The following ADAMTS7 variants were observed in gnomAD, a reference collection of about 807,000 sequenced individuals.
ADAMTS7 encodes the protein A disintegrin and metalloproteinase with thrombospondin motifs 7.
Under a neutral mutation model 172.6 loss-of-function variants are expected in ADAMTS7, and 89 were observed. The observed-to-expected ratio is 0.52, with a 90% confidence interval of 0.43 to 0.61. The LOEUF (loss-of-function observed/expected upper bound fraction) is 0.61. ADAMTS7 is among the 20% of genes least tolerant of loss of function. ADAMTS7 has a pLI of 0.00. For missense variants in ADAMTS7, 1,973 were observed against 2,355.6 expected, an observed-to-expected ratio of 0.84 and a Z score of 3.36; for synonymous variants, 885 against 978.4, an observed-to-expected ratio of 0.90 and a Z score of 1.78.
At chr15:78,778,876 A>G (rs964737080) in intron 8 of ADAMTS7, among the ~76,000 whole-genome samples, 12 of 152,098 alleles carry the variant, frequency 7.9e-5, no homozygotes, top group Admixed American at 5.2e-4. Flanking sequence ...ACACTCCGAG[A>G]TGTGGAGAGG....
At chr15:78,762,617 G>C (rs779613800) in intron 22 of ADAMTS7, 52 bp from the exon 23 acceptor site, 24 of 1,226,226 alleles carry the variant, frequency 2.0e-5, no homozygotes, top group Middle Eastern at 5.7e-4. Context: ...CCTAGCAGTG[G>C]GGGCAGGGAC....
At chr15:78,787,824 C>A (rs767206409) in intron 8 of ADAMTS7, among the ~76,000 whole-genome samples, 11 of 152,194 alleles carry the variant, frequency 7.2e-5, no homozygotes, top group African/African-American at 2.7e-4. Context: ...TCATTTCCTA[C>A]GCAGCCTTTG....
chr15:78,788,320 T>C lies in ADAMTS7; in HGVS notation c.1233A>G (p.Arg411=). The C allele has an allele frequency of 6.2e-7, 1 of 1,613,438 alleles. No individual in the cohort carries two copies. The highest frequency in any genetic ancestry group is 8.5e-7 in the Non-Finnish European group (1 of 1,179,984). The stretch of plus-strand genomic sequence containing the variant: ...GGAGCTGTGGAGACATGATGAAAGG[T>C]CGTTTCCCAACGGGCTCACAGTCAT... ...SGNDCEPVGK[R]PFIMSPQLLY... Residue 411 remains arginine (R), a synonymous_variant, in exon 8 of 24, where the codon CGA becomes CGG. Transcript: ENST00000388820.
Position 78,771,019 on chromosome 15 carries a change from C to T in ADAMTS7, c.2518+143G>A, listed in dbSNP as rs562275311. On this transcript the variant is annotated intron_variant, in intron 16 of 23. Coordinates refer to ENST00000388820, the MANE Select transcript of ADAMTS7 (RefSeq NM_014272.5). This position sits in a 1 kb window ranked among gnomAD's most constrained non-coding sequence, Gnocchi z 4.9. ...TGGGACACAGGGCAATCGCTAGCCT[C>T]ATCTCACAGATGGAGAACTGAGGCT... 6 of 1,175,856 alleles carry T rather than the reference C, an allele frequency of 5.1e-6. No homozygotes were observed. The South Asian group carries it at 7.9e-5, about 15-fold the overall frequency. 72.8% of individuals were successfully genotyped at this position (1,175,856 alleles called of 1,614,324 possible). A position where few individuals can be genotyped will look rare whatever the true frequency, so the allele number is the denominator to read the frequency against.
intron 6 of ADAMTS7, 69 bp from the exon 7 acceptor site, chr15:78,789,907 G>A (rs2055555989): frequency 1.3e-6 from 2 of 1,517,438 alleles, no homozygotes; most frequent in African/African-American, 2.8e-5. Context: ...GCTAAGGCCA[G>A]GGAAGGGTCC....
chr15:78,797,892 C>T (rs767068269), intron 3 of ADAMTS7, 56 bp downstream of exon 3: 3 of 1,557,894 alleles, frequency 1.9e-6, no homozygotes, highest in Admixed American at 2.1e-5. Flanking sequence ...CTAGAAAGGC[C>T]CCTTCATGTC....
intron 8 of ADAMTS7, among the ~76,000 whole-genome samples, chr15:78,777,946 G>A (rs1347739996): frequency 2.0e-5 from 3 of 152,284 alleles, no homozygotes; most frequent in African/African-American, 4.8e-5. Flanking sequence ...CCCAGACCCT[G>A]GAGCCAGGCC....
At chr15:78,795,719 C>A (rs1310340170) in intron 4 of ADAMTS7, among the ~76,000 whole-genome samples, 3 of 152,206 alleles carry the variant, frequency 2.0e-5, no homozygotes, top group Admixed American at 6.5e-5. Flanking sequence ...TGGTGGCCTG[C>A]CAACCAGGTG....
At chr15:78,792,836 A>AGAGAAAGAGAGAGAGAGAAAG (rs369448675) in intron 4 of ADAMTS7, among the ~76,000 whole-genome samples, 1 of 152,080 alleles carries the variant, frequency 6.6e-6, no homozygotes, top group African/African-American at 2.4e-5. Flanking sequence ...AGAAAGAAAG[A>AGAGAAAGAGAGAGAGAGAAAG]GAGAAAGAGA....
intron 1 of ADAMTS7, among the ~76,000 whole-genome samples, chr15:78,802,546 G>A (rs982123785): frequency 2.2e-4 from 33 of 152,124 alleles, no homozygotes; most frequent in African/African-American, 8.0e-4. Context: ...TTCCAGGGAT[G>A]GAAAAAATTG....
chr15:78,802,182 G>C (rs2055734540), intron 1 of ADAMTS7, among the ~76,000 whole-genome samples: 1 of 152,062 alleles, frequency 6.6e-6, no homozygotes, highest in Admixed American at 6.6e-5. Flanking sequence ...GAAGTGTCCA[G>C]AACTTAGTCC....
At chr15:78,779,400 C>T (rs981320370) in intron 8 of ADAMTS7, among the ~76,000 whole-genome samples, 5 of 152,166 alleles carry the variant, frequency 3.3e-5, no homozygotes, top group African/African-American at 1.2e-4. Flanking sequence ...ATGTGATGGC[C>T]AGGATCTGGA....
intron 8 of ADAMTS7, among the ~76,000 whole-genome samples, chr15:78,781,198 C>T (rs1307879548): frequency 7.9e-5 from 12 of 152,200 alleles, no homozygotes; most frequent in Admixed American, 2.0e-4. Flanking sequence ...TTGGCACTTT[C>T]GGTGAATCTC....
intron 23 of ADAMTS7, among the ~76,000 whole-genome samples, chr15:78,760,158 C>A (rs866673969): frequency 1.3e-5 from 2 of 151,976 alleles, no homozygotes; most frequent in African/African-American, 2.4e-5. Flanking sequence ...AGTGAGTGGG[C>A]CTTACAGGCC....
chr15:78,768,024 TG>T (rs2055184765), intron 17 of ADAMTS7, 108 bp downstream of exon 17: 2 of 682,184 alleles, frequency 2.9e-6, no homozygotes, highest in African/African-American at 2.3e-5. Flanking sequence ...CCAGGATGCC[TG>T]GGGGTGGGGA....
At chr15:78,798,748 T>C (rs1376076596) in intron 2 of ADAMTS7, among the ~76,000 whole-genome samples, 2 of 152,136 alleles carry the variant, frequency 1.3e-5, no homozygotes, top group Non-Finnish European at 2.9e-5. Context: ...GGAGGGGCCC[T>C]GGGAAGCATC....
chr15:78,789,123 C>G (rs2055545076), intron 7 of ADAMTS7, among the ~76,000 whole-genome samples: 1 of 152,234 alleles, frequency 6.6e-6, no homozygotes, highest in African/African-American at 2.4e-5. Context: ...GTTCTGGGAG[C>G]CTGCCTTTGA....
rs538460994 is a variant in ADAMTS7, at chr15:78,776,286, G to A, written c.1608C>T (p.Ala536=). The A allele has an allele frequency of 3.5e-5, 57 of 1,611,960 alleles. 1 individual carries two copies. The South Asian group carries it at 4.6e-4, about 13-fold the overall frequency. ...ECVPVGFRPE[A]VDGGWSGWSA... ...TCCAGCCAGACCAGCCACCATCCAC[G>A]GCCTCGGGCCGGAAGCCCACGGGTA... The change falls in exon 11 of 24, where the codon GCC becomes GCT. Residue 536 remains alanine (A), a synonymous_variant. Transcript: ENST00000388820.
Position 78,766,158 on chromosome 15 carries a change from G to A in ADAMTS7, c.3753C>T (p.Ser1251=), listed in dbSNP as rs774059730. 6.8e-6 allele frequency: 11 copies of A among 1,611,564 alleles called. No homozygotes were observed. Among genetic ancestry groups the A allele is most frequent in the Middle Eastern group, 1.9e-4 (1 of 5,308 alleles). ...PPLSPVGSTH[S]SPSPDVAELW... is the part of the protein sequence containing the mutation. Reference sequence around the variant, plus strand: ...GCTCCGCCACGTCAGGACTAGGAGAGGAGTGGGTGCTGCCAACAGGGGACA... The same window carrying A: ...GCTCCGCCACGTCAGGACTAGGAGAAGAGTGGGTGCTGCCAACAGGGGACA... Residue 1251 remains serine, a synonymous_variant, in exon 19 of 24, where the codon TCC becomes TCT. Transcript: ENST00000388820.
Sources: gnomAD v4.1 joint callset for allele counts (sites outside exome capture counted in the v4.1 genomes callset) on GRCh38, gnomAD v4.1.1 for gene constraint, Gnocchi (gnomAD v3.1) non-coding constraint, MANE v1.5 for transcripts, NCBI Gene and HGNC (gene_info 2026-07-23, HGNC 2026-07-21) for gene names.